Variants in ATP9B observed in about 807,000 individuals in gnomAD.
The protein encoded by ATP9B is ATPase phospholipid transporting 9B, also known as probable phospholipid-transporting ATPase IIB.
A neutral mutation model predicts 146.1 loss-of-function variants in ATP9B; 110 were observed. That is an observed-to-expected ratio of 0.75 (90% CI 0.65 to 0.88). The LOEUF (loss-of-function observed/expected upper bound fraction) is 0.88. Ranked by LOEUF, ATP9B falls within the 40% of genes least tolerant of loss-of-function variation. The probability of loss-of-function intolerance (pLI) is 0.00; values close to 1 mark genes in which losing one functional copy is unlikely to be tolerated. For synonymous variants in ATP9B, 604 were observed against 569.7 expected (o/e 1.06, Z -0.86); for missense variants, 1,499 against 1,496.4 (o/e 1.00, Z -0.03).
At chr18:79,074,160 A>G (rs1050946963) in intron 1 of ATP9B, among the ~76,000 whole-genome samples, 1 of 152,092 alleles carries the variant, frequency 6.6e-6, no homozygotes, top group Non-Finnish European at 1.5e-5. Context: ...ATGTGGTATC[A>G]CTGGGGCTCT....
intron 9 of ATP9B, among the ~76,000 whole-genome samples, chr18:79,200,333 G>A (rs1322285557): frequency 2.0e-5 from 3 of 152,196 alleles, no homozygotes; most frequent in Admixed American, 2.0e-4. Context: ...ACTTCAAGGA[G>A]AAACTGACAA....
At chr18:79,212,364 A>G (rs1228349558) in intron 10 of ATP9B, among the ~76,000 whole-genome samples, 2 of 152,216 alleles carry the variant, frequency 1.3e-5, no homozygotes, top group African/African-American at 2.4e-5. Flanking sequence ...CTTGTTATGT[A>G]TCACATTGAA....
chr18:79,166,186 C>T (rs185428280), intron 7 of ATP9B, among the ~76,000 whole-genome samples: 15 of 152,260 alleles, frequency 9.9e-5, no homozygotes, highest in Admixed American at 7.8e-4. Context: ...CTGAGGATGT[C>T]GTTGAGAACA....
intron 1 of ATP9B, among the ~76,000 whole-genome samples, chr18:79,082,105 C>G (rs1233658828): frequency 1.3e-5 from 2 of 152,134 alleles, no homozygotes; most frequent in Non-Finnish European, 2.9e-5. Flanking sequence ...TTGTTCATTC[C>G]TTTTCATTCA....
intron 3 of ATP9B, among the ~76,000 whole-genome samples, chr18:79,110,728 A>G (rs1161975266): frequency 6.6e-6 from 1 of 152,216 alleles, no homozygotes; most frequent in Non-Finnish European, 1.5e-5. Context: ...AAAATGTACA[A>G]TTTGATTATT....
chr18:79,349,163 A>G (rs751625316), intron 25 of ATP9B, among the ~76,000 whole-genome samples: 1 of 152,212 alleles, frequency 6.6e-6, no homozygotes, highest in African/African-American at 2.4e-5. Flanking sequence ...ATGACTAGAA[A>G]TGAAATCAGT....
At chr18:79,163,175 T>C (rs1183466926) in intron 7 of ATP9B, among the ~76,000 whole-genome samples, 1 of 152,222 alleles carries the variant, frequency 6.6e-6, no homozygotes, top group Non-Finnish European at 1.5e-5. Context: ...TAGAGTTCAT[T>C]CTTTCTCTCT....
intron 1 of ATP9B, among the ~76,000 whole-genome samples, chr18:79,094,425 T>C (rs2074613270): frequency 6.6e-6 from 1 of 152,188 alleles, no homozygotes; most frequent in African/African-American, 2.4e-5. Flanking sequence ...GCTGTTCGTG[T>C]TGTTGTGAAG....
chr18:79,139,336 C>T (rs949590699), intron 5 of ATP9B, among the ~76,000 whole-genome samples: 1 of 152,138 alleles, frequency 6.6e-6, no homozygotes, highest in African/African-American at 2.4e-5. Context: ...AGTACATAAT[C>T]GAGTGTGCTA....
At chr18:79,264,192 C>G (rs1181771461) in intron 12 of ATP9B, among the ~76,000 whole-genome samples, 2 of 152,182 alleles carry the variant, frequency 1.3e-5, no homozygotes, top group Admixed American at 1.3e-4. Flanking sequence ...GTGTTTGTAC[C>G]AATTTACCAT....
At chr18:79,190,552 A>T (rs370395879) in intron 8 of ATP9B, among the ~76,000 whole-genome samples, 1 of 149,418 alleles carries the variant, frequency 6.7e-6, no homozygotes, top group South Asian at 2.1e-4. Context: ...ACACATATAC[A>T]TATATTTTTG....
intron 11 of ATP9B, among the ~76,000 whole-genome samples, chr18:79,237,761 A>G (rs1599166422): frequency 6.6e-6 from 1 of 151,338 alleles, no homozygotes; most frequent in Admixed American, 6.6e-5. Context: ...ATCACTGCTC[A>G]CTGCAGCCTC....
intron 9 of ATP9B, among the ~76,000 whole-genome samples, chr18:79,197,285 A>G (rs1277785182): frequency 6.6e-6 from 1 of 152,136 alleles, no homozygotes; most frequent in Admixed American, 6.5e-5. Context: ...GGTAATGGAG[A>G]CACTGCATAT....
rs1264715546 is a variant in ATP9B at position 79,180,547 on chromosome 18, T to C, written c.873+3640T>C. 2.6e-5 allele frequency among the ~76,000 whole-genome samples: 4 copies of C among 152,104 alleles called. No homozygotes were observed. The South Asian group carries it at 8.3e-4, about 32-fold the overall frequency. On this transcript the variant is annotated intron_variant, in intron 8 of 29. Coordinates refer to ENST00000426216, the MANE Select transcript of ATP9B (RefSeq NM_198531.5). ...TATCAGCTGCACCGTGCATTACTGT[T>C]TTTTTTTGTTCAAAGTTGTCAAGCA... is the stretch of plus-strand genomic sequence containing the variant.
At chr18:79,290,095 C>G (rs561365140) in intron 13 of ATP9B, among the ~76,000 whole-genome samples, 5 of 152,008 alleles carry the variant, frequency 3.3e-5, no homozygotes, top group African/African-American at 1.2e-4. Flanking sequence ...GCAGTCTGCC[C>G]GTTCTCAGAT....
chr18:79,243,717 A>AT (rs2095912084), intron 11 of ATP9B, among the ~76,000 whole-genome samples: 1 of 152,206 alleles, frequency 6.6e-6, no homozygotes, highest in Non-Finnish European at 1.5e-5. Flanking sequence ...GATCATTGTC[A>AT]TTTTGTGGTG....
intron 4 of ATP9B, among the ~76,000 whole-genome samples, chr18:79,123,366 A>G (rs1294595102): frequency 2.6e-5 from 4 of 152,202 alleles, no homozygotes; most frequent in Non-Finnish European, 5.9e-5. Context: ...GAAATTACAT[A>G]ATGAAAGCTA....
intron 4 of ATP9B, among the ~76,000 whole-genome samples, chr18:79,125,701 T>G (rs186814967): frequency 2.5e-4 from 38 of 152,300 alleles, no homozygotes; most frequent in African/African-American, 9.1e-4. Flanking sequence ...TATAAAAATT[T>G]TTTTCTAGCT....
intron 13 of ATP9B, among the ~76,000 whole-genome samples, chr18:79,291,289 C>A (rs1339805631): frequency 6.6e-6 from 1 of 152,114 alleles, no homozygotes; most frequent in Non-Finnish European, 1.5e-5. Flanking sequence ...TACTCTCTGG[C>A]TGCATTCATT....
Sources: gnomAD v4.1 joint callset for allele counts (sites outside exome capture counted in the v4.1 genomes callset) on GRCh38, gnomAD v4.1.1 for gene constraint, MANE v1.5 for transcripts, NCBI Gene and HGNC (gene_info 2026-07-23, HGNC 2026-07-21) for gene names.